Variants in TNFAIP8 observed in about 807,000 individuals in gnomAD.
TNFAIP8 encodes the protein TNF alpha induced protein 8.
Under a neutral mutation model 13.3 loss-of-function variants are expected in TNFAIP8, and 7 were observed. The ratio of observed to expected loss-of-function variants is 0.52; its 90% confidence interval spans 0.30 to 0.99. The LOEUF is 0.99. Among genes scored for constraint, TNFAIP8 ranks in the 50% least tolerant of loss-of-function variants. TNFAIP8 has a pLI of 0.07. For missense variants in TNFAIP8, 258 were observed against 236.9 expected (o/e 1.09, Z -0.58); for synonymous variants, 94 against 87.6 (o/e 1.07, Z -0.41).
intron 1 of TNFAIP8, among the ~76,000 whole-genome samples, chr5:119,363,948 G>A (rs775666239): frequency 3.9e-5 from 6 of 152,206 alleles, no homozygotes; most frequent in Non-Finnish European, 8.8e-5. Context: ...AACATTTACT[G>A]ATTTATTCTA....
intron 1 of TNFAIP8, among the ~76,000 whole-genome samples, chr5:119,297,296 G>A (rs1299232800): frequency 6.6e-6 from 1 of 151,948 alleles, no homozygotes; most frequent in Non-Finnish European, 1.5e-5. Flanking sequence ...AGAGATTCTG[G>A]TATGTTGTGT....
At chr5:119,339,614 A>C (rs1439350718) in intron 1 of TNFAIP8, among the ~76,000 whole-genome samples, 1 of 152,150 alleles carries the variant, frequency 6.6e-6, no homozygotes. Context: ...TGTGAACCAC[A>C]GTAGCACTGC....
At chr5:119,330,899 T>C (rs1244587431) in intron 1 of TNFAIP8, among the ~76,000 whole-genome samples, 1 of 150,762 alleles carries the variant, frequency 6.6e-6, no homozygotes, top group African/African-American at 2.4e-5. Context: ...GGGCTGGGGG[T>C]TAGGGGTTAG....
intron 1 of TNFAIP8, among the ~76,000 whole-genome samples, chr5:119,330,367 T>C (rs1750339522): frequency 6.6e-6 from 1 of 152,190 alleles, no homozygotes; most frequent in African/African-American, 2.4e-5. Flanking sequence ...CAGACACAAA[T>C]GTCATCACTC....
chr5:119,323,904 C>A (rs1415903491), intron 1 of TNFAIP8, among the ~76,000 whole-genome samples: 3 of 152,050 alleles, frequency 2.0e-5, no homozygotes, highest in African/African-American at 7.2e-5. Context: ...AACTTTCAAA[C>A]CTGTTTGGGA....
intron 1 of TNFAIP8, among the ~76,000 whole-genome samples, chr5:119,298,520 C>T (rs1376420996): frequency 1.3e-5 from 2 of 151,444 alleles, no homozygotes; most frequent in Non-Finnish European, 3.0e-5. Context: ...CCCGACCTTT[C>T]TCTCTGGCTG....
rs114646703 is a variant in TNFAIP8, at chr5:119,272,978, G to A, written c.1+4071G>A. ...CTAACTCGTAAACACCTCTGGGTTC[G>A]TTTCTTTAATAACAGAATGGAATTA... On this transcript the variant is annotated intron_variant, in intron 1 of 1. Transcript: ENST00000274456. Among the ~76,000 whole-genome samples, 1,085 of 152,278 alleles carry A rather than the reference G, an allele frequency of 7.1e-3. 12 individuals carry two copies. Among genetic ancestry groups the A allele is most frequent in the African/African-American group, 0.025 (1,043 of 41,540 alleles).
In TNFAIP8 at chr5:119,397,865, C is replaced by T. The variant is rs1322278564; in HGVS notation, c.*4484C>T. 6.6e-6 allele frequency: 1 copy of T among 152,142 alleles called. No individual in the cohort carries two copies. Among genetic ancestry groups the T allele is most frequent in the Non-Finnish European group, 1.5e-5 (1 of 68,018 alleles). 9.4% of individuals were successfully genotyped at this position (152,142 alleles called of 1,614,324 possible). A position where few individuals can be genotyped will look rare whatever the true frequency, so the allele number is the denominator to read the frequency against. On this transcript the variant is annotated 3_prime_UTR_variant, in exon 2 of 2. Transcript: ENST00000504771. Reference sequence around the variant, plus strand: ...AGATATTTTTATCTCAGGGAAATTCCAGAAATGGAAACATTTTTGTGTAAT... The same window carrying T: ...AGATATTTTTATCTCAGGGAAATTCTAGAAATGGAAACATTTTTGTGTAAT...
Position 119,395,924 on chromosome 5 carries a change from G to A in TNFAIP8, c.*2543G>A, listed in dbSNP as rs1381088424. 1 of 152,132 alleles carries A rather than the reference G, an allele frequency of 6.6e-6. No individual in the cohort carries two copies. Among genetic ancestry groups the A allele is most frequent in the Admixed American group, 6.5e-5 (1 of 15,268 alleles). The allele number at this position is 152,132 out of a possible 1,614,324, so 9.4% of individuals were successfully genotyped here. A position where few individuals can be genotyped will look rare whatever the true frequency, so the allele number is the denominator to read the frequency against. ...GTTGTAATTGATTTTATTTTGTGCT[G>A]GTGGCTTCTCTGCAAAAATTATGAG... On this transcript the variant is annotated 3_prime_UTR_variant, in exon 2 of 2. Transcript: ENST00000504771.
chr5:119,309,143 C>A (rs2112667121), intron 1 of TNFAIP8, among the ~76,000 whole-genome samples: 1 of 152,306 alleles, frequency 6.6e-6, no homozygotes, highest in African/African-American at 2.4e-5. Context: ...ACCACAACTT[C>A]CTTCCTCTGT....
chr5:119,393,361 T>C lies in TNFAIP8; in HGVS notation c.577T>C (p.Leu193=), dbSNP rs1752974592. 6.2e-7 allele frequency: 1 copy of C among 1,613,270 alleles called. No individual in the cohort carries two copies. Among genetic ancestry groups the C allele is most frequent in the Non-Finnish European group, 8.5e-7 (1 of 1,179,526 alleles). Residue 193 remains leucine (L), a synonymous_variant, in exon 2 of 2, where the codon TTG becomes CTG. Coordinates refer to ENST00000504771, the MANE Select transcript of TNFAIP8 (RefSeq NM_014350.4). ...ACTATGTGATGGTATCAACAAAATG[T>C]TGGATGAAGAGAACATATGAGCACA... ...QKLCDGINKM[L]DEENI
intron 1 of TNFAIP8, among the ~76,000 whole-genome samples, chr5:119,335,493 A>G (rs895829142): frequency 2.0e-5 from 3 of 152,116 alleles, no homozygotes; most frequent in Middle Eastern, 3.4e-3. Flanking sequence ...TGGGCCCTTT[A>G]TGTTTCACCT....
chr5:119,292,683 TATACAC>T (rs1318498142), intron 1 of TNFAIP8, among the ~76,000 whole-genome samples: 4 of 36,610 alleles, frequency 1.1e-4, no homozygotes, highest in African/African-American at 3.1e-4. Context: ...TATATATATA[TATACAC>T]ACACACACAA....
At chr5:119,306,659 T>C (rs1026384998) in intron 1 of TNFAIP8, 5 of 143,152 alleles carry the variant, frequency 3.5e-5, no homozygotes, top group African/African-American at 9.1e-5. Flanking sequence ...TTATGAAATA[T>C]GTTTTTTAAT....
chr5:119,344,823 A>G (rs753363936), intron 1 of TNFAIP8, among the ~76,000 whole-genome samples: 4 of 152,216 alleles, frequency 2.6e-5, no homozygotes, highest in Non-Finnish European at 4.4e-5. Context: ...CCCAGTGCCT[A>G]AGTGAGAAAA....
At chr5:119,344,246 A>G (rs1339013759) in intron 1 of TNFAIP8, among the ~76,000 whole-genome samples, 1 of 152,232 alleles carries the variant, frequency 6.6e-6, no homozygotes, top group African/African-American at 2.4e-5. Context: ...GAGGTGAAGA[A>G]GGAGCAGATG....
Position 119,393,205 on chromosome 5 carries a change from C to G in TNFAIP8, c.421C>G (p.Gln141Glu), listed in dbSNP as rs2112871520. 2 of 1,613,980 alleles carry G rather than the reference C, an allele frequency of 1.2e-6. No individual in the cohort carries two copies. The highest frequency in any genetic ancestry group is 1.7e-6 in the Non-Finnish European group (2 of 1,179,888). Residue 141 changes from glutamine to glutamate, a missense_variant, in exon 2 of 2, where the codon CAA (glutamine) becomes GAA (glutamate). Coordinates refer to ENST00000504771, the MANE Select transcript of TNFAIP8 (RefSeq NM_014350.4). ...LLNECREMLH[Q>E]IIQRHLTAKS... ...AAATGAATGCAGAGAGATGCTGCACCAAATCATTCAGCGCCACCTCACTGC... is the reference window on the plus strand; with the variant it reads ...AAATGAATGCAGAGAGATGCTGCACGAAATCATTCAGCGCCACCTCACTGC...
chr5:119,338,525 G>A (rs1157733917), intron 1 of TNFAIP8, among the ~76,000 whole-genome samples: 4 of 152,182 alleles, frequency 2.6e-5, no homozygotes, highest in African/African-American at 9.7e-5. Flanking sequence ...GGAGGCTTTC[G>A]GGCTACCCTC....
intron 1 of TNFAIP8, among the ~76,000 whole-genome samples, chr5:119,357,902 C>G (rs944655205): frequency 6.6e-6 from 1 of 152,072 alleles, no homozygotes; most frequent in Middle Eastern, 3.2e-3. Flanking sequence ...CAGATAGAAT[C>G]ATATAGCTTC....
Sources: allele counts gnomAD v4.1 joint callset (sites outside exome capture counted in the v4.1 genomes callset), GRCh38; gene constraint gnomAD v4.1.1; transcripts MANE v1.5; gene names NCBI Gene and HGNC (gene_info 2026-07-23, HGNC 2026-07-21).